The following ZBTB38 variants were observed in gnomAD, a reference collection of about 807,000 sequenced individuals.
ZBTB38 encodes the protein zinc finger and BTB domain containing 38, also known as zinc finger and BTB domain-containing protein 38.
ZBTB38 carries 20 observed loss-of-function variants against 76.8 expected under a neutral mutation model. The observed-to-expected ratio is 0.26, with a 90% CI of 0.18 to 0.38. The LOEUF is 0.38. Ranked by LOEUF, ZBTB38 falls within the 10% of genes least tolerant of loss-of-function variation. The pLI is 1.00. For synonymous variants in ZBTB38, 504 were observed against 544.2 expected, an observed-to-expected ratio of 0.93 and a Z score of 1.03; for missense variants, 1,082 against 1,482.3, an observed-to-expected ratio of 0.73 and a Z score of 4.43.
At chr3:141,397,185 C>T (rs966850383) in intron 4 of ZBTB38, among the ~76,000 whole-genome samples, 1 of 152,234 alleles carries the variant, frequency 6.6e-6, no homozygotes, top group Non-Finnish European at 1.5e-5. Context: ...GCTGTAGCAT[C>T]CACATCAGCA....
intron 2 of ZBTB38, among the ~76,000 whole-genome samples, chr3:141,374,865 T>C (rs1269170049): frequency 1.3e-5 from 2 of 152,208 alleles, no homozygotes; most frequent in Non-Finnish European, 2.9e-5. Context: ...TATTGGTGAA[T>C]TGGCCCCTAG....
At chr3:141,338,730 G>A (rs13094525) in intron 1 of ZBTB38, among the ~76,000 whole-genome samples, 89,092 of 151,940 alleles carry the variant, frequency 0.59, 28,849 homozygotes, top group African/African-American at 0.89. Flanking sequence ...TAATCTACAC[G>A]CCAAACCCCT....
intron 5 of ZBTB38, among the ~76,000 whole-genome samples, chr3:141,405,542 C>T (rs1954070021): frequency 6.6e-6 from 1 of 151,982 alleles, no homozygotes; most frequent in Non-Finnish European, 1.5e-5. Flanking sequence ...TGTGGGTATT[C>T]AAAAGTAAAG....
chr3:141,405,541 T>C (rs1392937793), intron 5 of ZBTB38, among the ~76,000 whole-genome samples: 2 of 152,198 alleles, frequency 1.3e-5, no homozygotes, highest in Non-Finnish European at 2.9e-5. Flanking sequence ...CTGTGGGTAT[T>C]CAAAAGTAAA....
At chr3:141,358,567 A>G (rs1943729489) in intron 1 of ZBTB38, among the ~76,000 whole-genome samples, 2 of 152,236 alleles carry the variant, frequency 1.3e-5, no homozygotes, top group Admixed American at 6.5e-5. Flanking sequence ...ACATCATTCA[A>G]TTCACCTATT....
chr3:141,333,105 A>T (rs1942901109), intron 1 of ZBTB38, among the ~76,000 whole-genome samples: 1 of 152,212 alleles, frequency 6.6e-6, no homozygotes, highest in Non-Finnish European at 1.5e-5. Flanking sequence ...GGGGTTGGAG[A>T]TCTGGCTCCT....
intron 5 of ZBTB38, among the ~76,000 whole-genome samples, chr3:141,404,861 T>C (rs1232090475): frequency 6.6e-6 from 1 of 152,206 alleles, no homozygotes; most frequent in East Asian, 1.9e-4. Flanking sequence ...GCTTGCAGCC[T>C]GATTCCAGAG....
intron 3 of ZBTB38, among the ~76,000 whole-genome samples, chr3:141,384,457 C>T (rs75833696): frequency 0.011 from 1,692 of 152,250 alleles, 17 homozygotes; most frequent in East Asian, 0.056. Context: ...TAATAATTTG[C>T]GAGTATTTTT....
chr3:141,427,796 C>G (rs2076680684), intron 5 of ZBTB38: 1 of 152,294 alleles, frequency 6.6e-6, no homozygotes, highest in Admixed American at 6.5e-5. Flanking sequence ...CTGGGGACTG[C>G]ATTATCACAG....
chr3:141,351,105 AC>A (rs1252692181), intron 1 of ZBTB38, among the ~76,000 whole-genome samples: 1 of 152,234 alleles, frequency 6.6e-6, no homozygotes, highest in East Asian at 1.9e-4. Context: ...AGATTATCAC[AC>A]AGGGTAGGGT....
At chr3:141,364,462 G>C (rs939099208), upstream of ZBTB38, among the ~76,000 whole-genome samples, 4 of 151,908 alleles carry the variant, frequency 2.6e-5, no homozygotes, top group Non-Finnish European at 5.9e-5. Context: ...GAGATCACCT[G>C]AGGTCGGGAG....
At position 141,446,561 on chromosome 3, in the gene ZBTB38, C is replaced by T. The variant is rs958036674; in HGVS notation, c.*585C>T. 6.5e-6 allele frequency: 1 copy of T among 152,704 alleles called. No homozygotes were observed. The highest frequency in any genetic ancestry group is 2.4e-5 in the African/African-American group (1 of 41,460). The allele number at this position is 152,704 out of a possible 1,614,324, so 9.5% of individuals were successfully genotyped here. On this transcript the variant is annotated 3_prime_UTR_variant, in exon 6 of 6. Coordinates refer to ENST00000321464, the MANE Select transcript of ZBTB38 (RefSeq NM_001376113.1). Reference sequence around the variant, plus strand: ...TCATACATTATGTAGAACTACTTTTCTGCAACACAAACCTTGTAAAATACA... The same window carrying T: ...TCATACATTATGTAGAACTACTTTTTTGCAACACAAACCTTGTAAAATACA...
intron 4 of ZBTB38, chr3:141,388,537 T>A (rs1205226446): frequency 6.6e-6 from 1 of 152,214 alleles, no homozygotes; most frequent in Non-Finnish European, 1.5e-5. Context: ...CTGGCACTTT[T>A]CAAAATAATT....
chr3:141,366,256 G>A (rs1202535980), upstream of ZBTB38: 2 of 152,218 alleles, frequency 1.3e-5, no homozygotes, highest in Non-Finnish European at 2.9e-5. Context: ...GATGCAGGGT[G>A]AAGAAATAAT....
intron 5 of ZBTB38, among the ~76,000 whole-genome samples, chr3:141,438,954 T>G (rs142184412): frequency 1.4e-5 from 2 of 147,380 alleles, no homozygotes; most frequent in Non-Finnish European, 3.0e-5. Flanking sequence ...GTACCCACTT[T>G]GATCATTTTT....
Position 141,413,602 on chromosome 3 carries a change from T to C in ZBTB38, c.-1+9571T>C, listed in dbSNP as rs535056572. Among the ~76,000 whole-genome samples, 44 of 152,278 alleles carry C rather than the reference T, an allele frequency of 2.9e-4. 1 individual carries two copies. The South Asian group carries it at 8.5e-3, about 29-fold the overall frequency. ...ACATACTGTAACCCAGGAAGGAGCA[T>C]GATGTCAGCTCAGGATACCGGAACC... On this transcript the variant is annotated intron_variant, in intron 5 of 5. Coordinates refer to ENST00000321464, the MANE Select transcript of ZBTB38 (RefSeq NM_001376113.1). This position sits in a 1 kb window ranked among gnomAD's most constrained non-coding sequence, Gnocchi z 4.1.
chr3:141,360,241 T>C (rs1943780301), intron 1 of ZBTB38, among the ~76,000 whole-genome samples: 1 of 152,196 alleles, frequency 6.6e-6, no homozygotes, highest in Non-Finnish European at 1.5e-5. Flanking sequence ...ATCTTAGCTC[T>C]GGGACCCCAC....
At chr3:141,416,837 C>T (rs150085591) in intron 5 of ZBTB38, among the ~76,000 whole-genome samples, 62 of 152,268 alleles carry the variant, frequency 4.1e-4, no homozygotes, top group African/African-American at 1.4e-3. Flanking sequence ...ACTGGAGCCA[C>T]CAGAAACTAG....
intron 5 of ZBTB38, among the ~76,000 whole-genome samples, chr3:141,425,799 A>T (rs1438400389): frequency 6.6e-6 from 1 of 152,258 alleles, no homozygotes; most frequent in Non-Finnish European, 1.5e-5. Flanking sequence ...CCTGAAATGG[A>T]AAGTGTGGTT....
Sources: allele counts gnomAD v4.1 joint callset (sites outside exome capture counted in the v4.1 genomes callset), GRCh38; gene constraint gnomAD v4.1.1; non-coding constraint Gnocchi (gnomAD v3.1); transcripts MANE v1.5; gene names NCBI Gene and HGNC (gene_info 2026-07-23, HGNC 2026-07-21).